Variants in ACAD11 observed in about 807,000 individuals in gnomAD.
The protein encoded by ACAD11 is acyl-CoA dehydrogenase family member 11, also known as acyl-Coenzyme A dehydrogenase family, member 11.
A neutral mutation model predicts 102.2 loss-of-function variants in ACAD11; 83 were observed. The ratio of observed to expected loss-of-function variants is 0.81; its 90% CI spans 0.68 to 0.97. The LOEUF (loss-of-function observed/expected upper bound fraction) is 0.97. ACAD11 is among the 50% of genes least tolerant of loss of function. ACAD11 has a pLI of 0.00. For missense variants in ACAD11, 901 were observed against 951.7 expected, an observed-to-expected ratio of 0.95 and a Z score of 0.70; for synonymous variants, 324 against 319.8, an observed-to-expected ratio of 1.01 and a Z score of -0.14.
At chr3:132,565,542 T>C (rs1476757570) in intron 17 of ACAD11, among the ~76,000 whole-genome samples, 1 of 152,200 alleles carries the variant, frequency 6.6e-6, no homozygotes, top group African/African-American at 2.4e-5. Context: ...CAGGTTTCAA[T>C]TTTATAAATC....
intron 13 of ACAD11, among the ~76,000 whole-genome samples, chr3:132,584,386 G>A (rs1576560902): frequency 6.6e-6 from 1 of 151,992 alleles, no homozygotes; most frequent in African/African-American, 2.4e-5. Flanking sequence ...TGCAACCCCT[G>A]CCTTTTTTTG....
intron 17 of ACAD11, among the ~76,000 whole-genome samples, chr3:132,563,545 T>C (rs1391601111): frequency 1.3e-5 from 2 of 152,200 alleles, no homozygotes; most frequent in Non-Finnish European, 2.9e-5. Flanking sequence ...CTGTTGTAAA[T>C]GGTATTTTAA....
chr3:132,653,214 A>G (rs1196246263), intron 1 of ACAD11, among the ~76,000 whole-genome samples: 1 of 152,112 alleles, frequency 6.6e-6, no homozygotes, highest in African/African-American at 2.4e-5. Context: ...ATTCTCTTGG[A>G]TGGCTGTTTC....
chr3:132,570,769 T>A (rs1212714939), intron 17 of ACAD11, among the ~76,000 whole-genome samples: 1 of 152,190 alleles, frequency 6.6e-6, no homozygotes, highest in East Asian at 1.9e-4. Flanking sequence ...GTATTTAGTT[T>A]TCTGTTCCTG....
intron 11 of ACAD11, among the ~76,000 whole-genome samples, chr3:132,617,589 G>C (rs1220130864): frequency 6.6e-6 from 1 of 152,062 alleles, no homozygotes; most frequent in East Asian, 1.9e-4. Flanking sequence ...TCTCTCACCA[G>C]GATTATTGCC....
At chr3:132,655,218 C>T (rs1937719183) in intron 1 of ACAD11, among the ~76,000 whole-genome samples, 1 of 152,230 alleles carries the variant, frequency 6.6e-6, no homozygotes, top group Non-Finnish European at 1.5e-5. Context: ...TGATATCTCC[C>T]TGCTGGAACA....
chr3:132,608,520 C>A (rs1316430456), intron 11 of ACAD11, among the ~76,000 whole-genome samples: 2 of 151,876 alleles, frequency 1.3e-5, no homozygotes, highest in African/African-American at 4.8e-5. Flanking sequence ...GACTTTAAAC[C>A]AACAAAGATA....
chr3:132,599,549 C>T (rs907351125), intron 13 of ACAD11, among the ~76,000 whole-genome samples: 1 of 151,798 alleles, frequency 6.6e-6, no homozygotes, highest in Non-Finnish European at 1.5e-5. Flanking sequence ...AAAGATATTG[C>T]AGTAGGCTAG....
chr3:132,605,313 G>T (rs964658630), intron 11 of ACAD11, 108 bp from the exon 12 acceptor site: 2 of 598,826 alleles, frequency 3.3e-6, no homozygotes, highest in South Asian at 2.9e-5. Flanking sequence ...GCAAATGTTT[G>T]CTAACAAAAA....
intron 15 of ACAD11, among the ~76,000 whole-genome samples, chr3:132,578,287 G>A (rs945519198): frequency 1.1e-4 from 16 of 152,136 alleles, no homozygotes; most frequent in Admixed American, 6.6e-5. Flanking sequence ...CAATGAACAC[G>A]TGCCACAGTA....
intron 13 of ACAD11, chr3:132,600,646 G>C (rs1236034671): frequency 1.2e-5 from 20 of 1,613,624 alleles, no homozygotes; most frequent in Non-Finnish European, 1.7e-5. Context: ...TCCTGAATTT[G>C]GCTGTAGCAG....
chr3:132,580,315 CA>C (rs1559938103), intron 13 of ACAD11, among the ~76,000 whole-genome samples: 2 of 151,886 alleles, frequency 1.3e-5, no homozygotes, highest in African/African-American at 4.8e-5. Context: ...TATAAAATTC[CA>C]GGAGTTAAAA....
intron 17 of ACAD11, among the ~76,000 whole-genome samples, chr3:132,573,019 C>A (rs190053346): frequency 6.6e-6 from 1 of 152,152 alleles, no homozygotes; most frequent in Non-Finnish European, 1.5e-5. Flanking sequence ...CTTATCTACA[C>A]GTCATCTAGG....
At chr3:132,575,647 A>T in intron 17 of ACAD11, 125 bp downstream of exon 17, 1 of 1,132,336 alleles carries the variant, frequency 8.8e-7, no homozygotes, top group East Asian at 2.6e-5. Context: ...AGACATAAAT[A>T]TGCCTTATTG....
chr3:132,584,207 G>C (rs1937694807), intron 13 of ACAD11, among the ~76,000 whole-genome samples: 1 of 152,086 alleles, frequency 6.6e-6, no homozygotes, highest in African/African-American at 2.4e-5. Context: ...TCTCTTTGTA[G>C]GTCTCTAAGG....
Position 132,641,996 on chromosome 3 carries a change from T to G in ACAD11, c.513A>C (p.Ile171=). The part of the protein sequence containing the change: ...IQSLQLEGYG[I]GAGYCKRQVS... ...CCTGTCTTTTGCAGTACCCAGCACCTATACCATATCCTTCCAGCTGCAGTG... is the reference window on the plus strand; with the variant it reads ...CCTGTCTTTTGCAGTACCCAGCACCGATACCATATCCTTCCAGCTGCAGTG... The change falls in exon 4 of 20, where the codon ATA becomes ATC. Residue 171 remains isoleucine (I), a synonymous_variant. Coordinates refer to ENST00000264990, the MANE Select transcript of ACAD11 (RefSeq NM_032169.5). 1 of 1,613,772 alleles carries G rather than the reference T, an allele frequency of 6.2e-7. No individual in the cohort carries two copies. The highest frequency in any genetic ancestry group is 8.5e-7 in the Non-Finnish European group (1 of 1,179,782).
intron 11 of ACAD11, among the ~76,000 whole-genome samples, chr3:132,614,770 G>T (rs1038547334): frequency 3.3e-5 from 5 of 152,174 alleles, no homozygotes; most frequent in African/African-American, 1.2e-4. Context: ...CATGGGCAAA[G>T]ACTTCATGAC....
intron 13 of ACAD11, among the ~76,000 whole-genome samples, chr3:132,595,757 AC>A (rs1431080027): frequency 6.6e-6 from 1 of 152,176 alleles, no homozygotes; most frequent in African/African-American, 2.4e-5. Context: ...ACCATCTCAC[AC>A]CAGTCAAAAT....
intron 18 of ACAD11, 136 bp from the exon 19 acceptor site, chr3:132,560,078 G>C: frequency 1.5e-6 from 1 of 651,120 alleles, no homozygotes; most frequent in Non-Finnish European, 2.7e-6. Flanking sequence ...AGCCAACAAA[G>C]AGATCCTGCT....
Sources: allele counts gnomAD v4.1 joint callset (sites outside exome capture counted in the v4.1 genomes callset), GRCh38; gene constraint gnomAD v4.1.1; transcripts MANE v1.5; gene names NCBI Gene and HGNC (gene_info 2026-07-23, HGNC 2026-07-21).